Variants in CACNA2D2 observed in about 807,000 individuals in gnomAD.
CACNA2D2 encodes the protein voltage-dependent calcium channel subunit alpha-2/delta-2.
A neutral mutation model predicts 166.4 loss-of-function variants in CACNA2D2; 48 were observed. That is an observed-to-expected ratio of 0.29 (90% CI 0.23 to 0.37). The LOEUF (loss-of-function observed/expected upper bound fraction) is 0.37. Among genes scored for constraint, CACNA2D2 ranks in the 10% least tolerant of loss-of-function variants. CACNA2D2 has a pLI of 1.00. For synonymous variants in CACNA2D2, 561 were observed against 573.7 expected, an observed-to-expected ratio of 0.98 and a Z score of 0.32; for missense variants, 1,122 against 1,433.0, an observed-to-expected ratio of 0.78 and a Z score of 3.50.
chr3:50,455,915 C>T (rs889111171), intron 2 of CACNA2D2, among the ~76,000 whole-genome samples: 3 of 152,288 alleles, frequency 2.0e-5, no homozygotes, highest in South Asian at 2.1e-4. Context: ...TCTCCTCGTT[C>T]TGCCCCCATC....
chr3:50,495,486 C>A (rs566097209), intron 1 of CACNA2D2, among the ~76,000 whole-genome samples: 1 of 152,352 alleles, frequency 6.6e-6, no homozygotes, highest in African/African-American at 2.4e-5. Context: ...CAGGGCATCA[C>A]TGGACAGCCT....
At chr3:50,419,810 C>G (rs993817455) in intron 3 of CACNA2D2, 1 of 152,256 alleles carries the variant, frequency 6.6e-6, no homozygotes, top group South Asian at 2.1e-4. Context: ...TGAACGTGCA[C>G]TATCTCTTCT....
intron 1 of CACNA2D2, among the ~76,000 whole-genome samples, chr3:50,491,712 C>T (rs1560003227): frequency 6.6e-6 from 1 of 152,228 alleles, no homozygotes; most frequent in South Asian, 2.1e-4. Context: ...CAGGGGAGGA[C>T]TATCAGTCGG....
intron 2 of CACNA2D2, among the ~76,000 whole-genome samples, chr3:50,462,604 A>ATGGGC (rs1377567421): frequency 6.6e-6 from 1 of 151,868 alleles, no homozygotes; most frequent in Non-Finnish European, 1.5e-5. Flanking sequence ...AGGGCGAGGG[A>ATGGGC]TGGGCTGGGG....
At chr3:50,378,843 C>T in intron 13 of CACNA2D2, 72 bp downstream of exon 13, 1 of 1,564,098 alleles carries the variant, frequency 6.4e-7, no homozygotes, top group East Asian at 2.3e-5. Flanking sequence ...ATATGGATGG[C>T]CAGTTGAACA....
chr3:50,369,982 T>A (rs1704567956), intron 23 of CACNA2D2, among the ~76,000 whole-genome samples: 1 of 152,198 alleles, frequency 6.6e-6, no homozygotes. Flanking sequence ...GAGCAGCAGC[T>A]GCCTGGCGAG....
chr3:50,415,369 G>A (rs538435271), intron 3 of CACNA2D2, among the ~76,000 whole-genome samples: 25 of 152,340 alleles, frequency 1.6e-4, no homozygotes, highest in Middle Eastern at 6.8e-3. Flanking sequence ...TTATACTCTG[G>A]AAACAGGAGT....
intron 3 of CACNA2D2, among the ~76,000 whole-genome samples, chr3:50,426,895 T>C (rs1385612447): frequency 6.6e-6 from 1 of 152,184 alleles, no homozygotes; most frequent in East Asian, 1.9e-4. Context: ...TTGAGGACCC[T>C]TGGCCATGTC....
chr3:50,459,721 TGTGA>T (rs1347639979), intron 2 of CACNA2D2, among the ~76,000 whole-genome samples: 2 of 152,162 alleles, frequency 1.3e-5, no homozygotes, highest in Non-Finnish European at 1.5e-5. Flanking sequence ...GACCCCGGGA[TGTGA>T]GTGAGTCCAG....
At chr3:50,491,010 C>G (rs72938734) in intron 1 of CACNA2D2, among the ~76,000 whole-genome samples, 4,343 of 152,262 alleles carry the variant, frequency 0.029, 212 homozygotes, top group African/African-American at 0.099. Flanking sequence ...GCAGCCCATC[C>G]AACCTCTCCC....
At chr3:50,374,872 T>G in intron 21 of CACNA2D2, 59 bp from the exon 22 acceptor site, 14 of 1,372,422 alleles carry the variant, frequency 1.0e-5, no homozygotes, top group Non-Finnish European at 1.3e-5. Context: ...TGGCACCCCC[T>G]CCCCATGGCC....
At chr3:50,381,442 C>T (rs7614770) in intron 6 of CACNA2D2, among the ~76,000 whole-genome samples, 1 of 151,788 alleles carries the variant, frequency 6.6e-6, no homozygotes, top group East Asian at 2.0e-4. Flanking sequence ...GCTGGGAACT[C>T]GGAGCCCTCA....
At chr3:50,446,550 C>T (rs57405128) in intron 2 of CACNA2D2, among the ~76,000 whole-genome samples, 13,177 of 152,254 alleles carry the variant, frequency 0.087, 1,741 homozygotes, top group African/African-American at 0.28. Context: ...GGAAGCCACT[C>T]TGACTGCCCC....
intron 2 of CACNA2D2, among the ~76,000 whole-genome samples, chr3:50,473,393 A>G (rs9990256): frequency 0.097 from 14,764 of 152,240 alleles, 2,085 homozygotes; most frequent in African/African-American, 0.31. Context: ...TCTAGGATGG[A>G]GGCACGCAGG....
At position 50,376,706 on chromosome 3, in the gene CACNA2D2, T is replaced by C. The variant is rs1253004146; in HGVS notation, c.1627-518A>G. ...TTACCTCCCCCAGTCAGTTTCTTAC[T>C]GTACCTGGAGGCCAACTGCCACAGC... On this transcript the variant is annotated intron_variant, in intron 17 of 37. Transcript: ENST00000424201. This position sits in a 1 kb window ranked among gnomAD's most constrained non-coding sequence, Gnocchi z 4.3. Among the ~76,000 whole-genome samples the C allele has an allele frequency of 6.6e-6, 1 of 152,198 alleles. No individual in the cohort carries two copies. The highest frequency in any genetic ancestry group is 1.5e-5 in the Non-Finnish European group (1 of 68,012).
intron 6 of CACNA2D2, among the ~76,000 whole-genome samples, chr3:50,383,817 T>C (rs1280534481): frequency 6.6e-6 from 1 of 152,100 alleles, no homozygotes; most frequent in Admixed American, 6.6e-5. Context: ...CCACTCCTAC[T>C]TGGGGGCAGG....
intron 3 of CACNA2D2, among the ~76,000 whole-genome samples, chr3:50,405,461 G>A (rs541613253): frequency 6.6e-6 from 1 of 152,324 alleles, no homozygotes; most frequent in African/African-American, 2.4e-5. Context: ...CAGAGGTAGG[G>A]AGGAGCGTCA....
chr3:50,420,557 G>GT (rs1174058232), intron 3 of CACNA2D2, among the ~76,000 whole-genome samples: 2 of 152,232 alleles, frequency 1.3e-5, no homozygotes, highest in Non-Finnish European at 2.9e-5. Flanking sequence ...TACATACCCT[G>GT]TGCATAGTCC....
At chr3:50,378,484 T>C (rs1705110591) in intron 13 of CACNA2D2, 151 bp from the exon 14 acceptor site, 1 of 776,810 alleles carries the variant, frequency 1.3e-6, no homozygotes, top group Admixed American at 2.1e-5. Context: ...TCCCGGCCTC[T>C]GCCCTGCCAA....
Sources: allele counts gnomAD v4.1 joint callset (sites outside exome capture counted in the v4.1 genomes callset), GRCh38; gene constraint gnomAD v4.1.1; non-coding constraint Gnocchi (gnomAD v3.1); transcripts MANE v1.5; gene names NCBI Gene and HGNC (gene_info 2026-07-23, HGNC 2026-07-21).